The following FAT1 variants were observed in gnomAD, a reference collection of about 807,000 sequenced individuals.
FAT1 encodes FAT atypical cadherin 1.
In FAT1, 171 loss-of-function variants were observed where a neutral mutation model predicts 329.8. The ratio of observed to expected loss-of-function variants is 0.52; its 90% CI spans 0.46 to 0.59. The LOEUF (loss-of-function observed/expected upper bound fraction) is 0.59. Ranked by LOEUF, FAT1 falls within the 20% of genes least tolerant of loss-of-function variation. FAT1 has a pLI of 0.00. For missense variants in FAT1, 5,672 were observed against 5,774.4 expected, an observed-to-expected ratio of 0.98 and a Z score of 0.57; for synonymous variants, 2,233 against 2,228.6, an observed-to-expected ratio of 1.00 and a Z score of -0.06.
At chr4:186,604,264 A>T in intron 18 of FAT1, 113 bp downstream of exon 18, 1 of 906,682 alleles carries the variant, frequency 1.1e-6, no homozygotes, top group Non-Finnish European at 1.7e-6. Context: ...CAGCAATTCT[A>T]TGAAAGTTTG....
chr4:186,607,591 T>C (rs1273273083), intron 16 of FAT1, among the ~76,000 whole-genome samples: 3 of 150,722 alleles, frequency 2.0e-5, no homozygotes, highest in Non-Finnish European at 4.4e-5. Context: ...CATGACTGGA[T>C]AGATGGATGG....
rs780028172 is a variant in FAT1 at position 186,618,262 on chromosome 4, T to C, written c.8324A>G (p.Gln2775Arg). The C allele has an allele frequency of 9.2e-5, 148 of 1,613,936 alleles. 1 individual carries two copies. The Admixed American group carries it at 2.4e-3, about 26-fold the overall frequency. The change falls in exon 10 of 27, where the codon CAG becomes CGG. Residue 2775 changes from glutamine (Q) to arginine (R), a missense_variant. Coordinates refer to ENST00000441802, the MANE Select transcript of FAT1 (RefSeq NM_005245.4). The stretch of plus-strand genomic sequence containing the variant: ...AGTGCACCTGGCCAGTATGGAAAAC[T>C]GATACCACTTAGTTGTCTCATGATC... ...SLDHETTKWYQFSILARCTQD... is the reference protein window; with the variant it reads ...SLDHETTKWYRFSILARCTQD...
At chr4:186,647,307 T>C (rs1177942593) in intron 3 of FAT1, among the ~76,000 whole-genome samples, 2 of 152,194 alleles carry the variant, frequency 1.3e-5, no homozygotes, top group Non-Finnish European at 2.9e-5. Context: ...TCTCACTGGA[T>C]ACTCACAGCA....
At chr4:186,629,036 C>A (rs1312639733) in intron 7 of FAT1, among the ~76,000 whole-genome samples, 2 of 152,184 alleles carry the variant, frequency 1.3e-5, no homozygotes, top group African/African-American at 4.8e-5. Context: ...CTTGCCACGT[C>A]TTTACGTGGG....
intron 2 of FAT1, among the ~76,000 whole-genome samples, chr4:186,681,158 C>A (rs73015623): frequency 0.037 from 5,643 of 152,248 alleles, 109 homozygotes; most frequent in Middle Eastern, 0.071. Context: ...AATCAACCAT[C>A]CTTACAGCAT....
chr4:186,600,256 G>A lies in FAT1; in HGVS notation c.11745C>T (p.Ala3915=). The A allele has an allele frequency of 2.5e-6, 4 of 1,613,894 alleles. No homozygotes were observed. The highest frequency in any genetic ancestry group is 1.1e-5 in the South Asian group (1 of 91,062). ...GAGCATAGTTTCCATTCACTTCCAG[G>A]GCCACTGCGTGCCACTGCCCATCAT... is the stretch of plus-strand genomic sequence containing the variant. The part of the protein sequence containing the change: ...QVNDGQWHAV[A]LEVNGNYARL... Residue 3915 remains alanine (A), a synonymous_variant, in exon 22 of 27, where the codon GCC becomes GCT. Transcript: ENST00000441802.
Position 186,628,057 on chromosome 4 carries a change from A to G in FAT1, c.4810+97T>C, listed in dbSNP as rs1740401444. On this transcript the variant is annotated intron_variant, in intron 9 of 26. Coordinates refer to ENST00000441802, the MANE Select transcript of FAT1 (RefSeq NM_005245.4). ...CAATTTAAGCCATTTTTGCAGATACATAGAAATGCTTCAATACCCAGAACT... is the reference window on the plus strand; with the variant it reads ...CAATTTAAGCCATTTTTGCAGATACGTAGAAATGCTTCAATACCCAGAACT... 14 of 1,316,806 alleles carry G rather than the reference A, an allele frequency of 1.1e-5. No individual in the cohort carries two copies. In the South Asian group the frequency reaches 1.8e-4, roughly 17 times the overall value. 81.6% of individuals were successfully genotyped at this position (1,316,806 alleles called of 1,614,324 possible). A position where few individuals can be genotyped will look rare whatever the true frequency, so the allele number is the denominator to read the frequency against.
In FAT1 at chr4:186,618,114, C is replaced by T. The variant is rs1334358855; in HGVS notation, c.8472G>A (p.Gly2824=). The T allele has an allele frequency of 1.2e-6, 2 of 1,613,888 alleles. No individual in the cohort carries two copies. The highest frequency in any genetic ancestry group is 4.5e-5 in the East Asian group (2 of 44,894). Residue 2824 remains glycine (G), a synonymous_variant, in exon 10 of 27, where the codon GGG becomes GGA. Transcript: ENST00000441802. ...YEAFIVENLP[G]GSRVIQIRAS... is the part of the protein sequence containing the mutation. ...CCCTGATCTGAATTACTCTACTTCC[C>T]CCTGGCAGGTTTTCAACAATGAATG...
In FAT1 at chr4:186,613,535, G is replaced by T. The variant is rs2584351; in HGVS notation, c.9230-193C>A. 0.62 allele frequency among the ~76,000 whole-genome samples: 94,287 copies of T among 152,060 alleles called. 29,402 individuals are homozygous for T. The highest frequency in any genetic ancestry group is 0.7 in the African/African-American group (28,930 of 41,474). ...GCTCCAGGTCTCCAACCCTGCCAGGGGCTAGCTCTTTAAGTCCTGCAGGTC... is the reference window on the plus strand; with the variant it reads ...GCTCCAGGTCTCCAACCCTGCCAGGTGCTAGCTCTTTAAGTCCTGCAGGTC... On this transcript the variant is annotated intron_variant, in intron 12 of 26. Transcript: ENST00000441802.
chr4:186,662,504 G>T (rs1742222846), intron 3 of FAT1, among the ~76,000 whole-genome samples: 1 of 152,096 alleles, frequency 6.6e-6, no homozygotes, highest in Admixed American at 6.5e-5. Context: ...GTCACTTCAG[G>T]AAAGTAACCA....
intron 2 of FAT1, among the ~76,000 whole-genome samples, chr4:186,700,784 G>C (rs1425929360): frequency 2.0e-5 from 3 of 152,186 alleles, no homozygotes. Context: ...CCCGGTGGTT[G>C]TGAGAATTAA....
At chr4:186,691,922 G>A (rs2126660690) in intron 2 of FAT1, among the ~76,000 whole-genome samples, 1 of 151,132 alleles carries the variant, frequency 6.6e-6, no homozygotes, top group East Asian at 1.9e-4. Context: ...CTTTACTGTG[G>A]CTACTATTTT....
At chr4:186,672,613 A>G (rs1742779956) in intron 2 of FAT1, among the ~76,000 whole-genome samples, 1 of 152,210 alleles carries the variant, frequency 6.6e-6, no homozygotes, top group Admixed American at 6.5e-5. Flanking sequence ...AGAACTTCTT[A>G]TACATCAGCT....
At chr4:186,595,316 TGA>T (rs889766173) in intron 26 of FAT1, among the ~76,000 whole-genome samples, 5 of 144,214 alleles carry the variant, frequency 3.5e-5, no homozygotes, top group South Asian at 4.3e-4. Flanking sequence ...TGTGTGTGTG[TGA>T]GAGAGAGTGT....
At chr4:186,610,663 T>TA (rs1739385760) in intron 14 of FAT1, among the ~76,000 whole-genome samples, 2 of 72,738 alleles carry the variant, frequency 2.7e-5, no homozygotes, top group South Asian at 6.2e-4. Context: ...AAATATAAAT[T>TA]ATATAATTTA....
At chr4:186,723,237 C>T (rs960351737) in intron 1 of FAT1, among the ~76,000 whole-genome samples, 1 of 152,268 alleles carries the variant, frequency 6.6e-6, no homozygotes, top group African/African-American at 2.4e-5. Flanking sequence ...AGCGCTCCTG[C>T]AGGGCGCAAA....
At chr4:186,690,881 A>G (rs999323407) in intron 2 of FAT1, among the ~76,000 whole-genome samples, 1 of 152,228 alleles carries the variant, frequency 6.6e-6, no homozygotes, top group African/African-American at 2.4e-5. Flanking sequence ...GGTCTCATTA[A>G]TACTTACGCT....
chr4:186,716,454 G>A (rs921933905), intron 1 of FAT1, among the ~76,000 whole-genome samples: 7 of 152,024 alleles, frequency 4.6e-5, no homozygotes, highest in African/African-American at 1.7e-4. Flanking sequence ...CCGAGACAGG[G>A]TCTTGCTCTA....
intron 2 of FAT1, among the ~76,000 whole-genome samples, chr4:186,679,958 C>A (rs1743136643): frequency 6.6e-6 from 1 of 152,140 alleles, no homozygotes; most frequent in African/African-American, 2.4e-5. Context: ...AATTCTCAAT[C>A]AACCATAATT....
Sources: allele counts gnomAD v4.1 joint callset (sites outside exome capture counted in the v4.1 genomes callset), GRCh38; gene constraint gnomAD v4.1.1; transcripts MANE v1.5; gene names NCBI Gene and HGNC (gene_info 2026-07-23, HGNC 2026-07-21).